Variants in DGKB observed in about 807,000 individuals in gnomAD.
The protein encoded by DGKB is 90 kDa diacylglycerol kinase.
In DGKB, 67 loss-of-function variants were observed where a neutral mutation model predicts 114.3. The observed-to-expected ratio is 0.59, with a 90% confidence interval of 0.48 to 0.72. The LOEUF (loss-of-function observed/expected upper bound fraction) is 0.72. Ranked by LOEUF, DGKB falls within the 30% of genes least tolerant of loss-of-function variation. The probability of loss-of-function intolerance (pLI) is 0.00; values close to 1 mark genes in which losing one functional copy is unlikely to be tolerated. For synonymous variants in DGKB, 398 were observed against 323.1 expected, an observed-to-expected ratio of 1.23 and a Z score of -2.49; for missense variants, 907 against 975.2, an observed-to-expected ratio of 0.93 and a Z score of 0.93.
At chr7:14,537,128 T>G (rs912205050) in intron 20 of DGKB, among the ~76,000 whole-genome samples, 15 of 152,050 alleles carry the variant, frequency 9.9e-5, no homozygotes, top group African/African-American at 3.6e-4. Context: ...GAAAGACTAG[T>G]AAGTTGAAAA....
At chr7:14,416,443 C>A (rs987334814) in intron 21 of DGKB, among the ~76,000 whole-genome samples, 2 of 151,936 alleles carry the variant, frequency 1.3e-5, no homozygotes, top group Non-Finnish European at 2.9e-5. Flanking sequence ...GGGTTATGAC[C>A]AAAATCTTAC....
intron 2 of DGKB, among the ~76,000 whole-genome samples, chr7:14,758,858 TG>T: frequency 6.6e-6 from 1 of 152,010 alleles, no homozygotes; most frequent in Non-Finnish European, 1.5e-5. Context: ...TTGTAAATTC[TG>T]TGGGTTTGTG....
At chr7:14,268,667 T>A (rs900955431) in intron 23 of DGKB, among the ~76,000 whole-genome samples, 2 of 152,194 alleles carry the variant, frequency 1.3e-5, no homozygotes, top group African/African-American at 4.8e-5. Flanking sequence ...CGGGGAAATT[T>A]TGCCTTTCCT....
intron 23 of DGKB, among the ~76,000 whole-genome samples, chr7:14,229,339 T>C (rs1288819737): frequency 6.6e-6 from 1 of 152,006 alleles, no homozygotes; most frequent in East Asian, 1.9e-4. Flanking sequence ...ATATAGATGG[T>C]ATAGTTTACT....
chr7:14,388,861 CCTT>C (rs1820859425), intron 21 of DGKB, among the ~76,000 whole-genome samples: 2 of 152,076 alleles, frequency 1.3e-5, no homozygotes, highest in African/African-American at 2.4e-5. Context: ...TTGTTGAACT[CCTT>C]CTCTCTCTCC....
At chr7:14,586,950 T>C (rs928236331) in intron 17 of DGKB, among the ~76,000 whole-genome samples, 1 of 152,166 alleles carries the variant, frequency 6.6e-6, no homozygotes, top group African/African-American at 2.4e-5. Flanking sequence ...AAGATGAATG[T>C]TGTTTTCATG....
chr7:14,422,692 A>G (rs753910115), intron 21 of DGKB, among the ~76,000 whole-genome samples: 37 of 152,134 alleles, frequency 2.4e-4, no homozygotes, highest in Non-Finnish European at 4.6e-4. Context: ...CAATTAAAAC[A>G]TTTTAGTACT....
intron 1 of DGKB, among the ~76,000 whole-genome samples, chr7:14,918,780 TG>T (rs1784365168): frequency 6.6e-6 from 1 of 151,940 alleles, no homozygotes; most frequent in Non-Finnish European, 1.5e-5. Context: ...TAAGTTTATA[TG>T]GGGCTGGGCA....
intron 17 of DGKB, among the ~76,000 whole-genome samples, chr7:14,589,991 T>C (rs1801420916): frequency 6.8e-6 from 1 of 147,860 alleles, no homozygotes; most frequent in Non-Finnish European, 1.5e-5. Flanking sequence ...TGGTAGCACT[T>C]GCATATAAAA....
chr7:14,434,386 C>T (rs1453314055), intron 21 of DGKB, among the ~76,000 whole-genome samples: 1 of 151,868 alleles, frequency 6.6e-6, no homozygotes, highest in East Asian at 1.9e-4. Flanking sequence ...CCAGGTGAGC[C>T]AAATGTAATC....
intron 21 of DGKB, among the ~76,000 whole-genome samples, chr7:14,473,123 G>C (rs1781661523): frequency 6.6e-6 from 1 of 152,182 alleles, no homozygotes; most frequent in African/African-American, 2.4e-5. Context: ...GGGCATGTCA[G>C]AGACCTTTGC....
At chr7:14,377,964 A>T (rs571379933) in intron 21 of DGKB, among the ~76,000 whole-genome samples, 1 of 152,276 alleles carries the variant, frequency 6.6e-6, no homozygotes, top group East Asian at 1.9e-4. Flanking sequence ...TTTCTAATCC[A>T]CAAAGGATTT....
At chr7:14,356,440 C>A (rs1814537754) in intron 21 of DGKB, among the ~76,000 whole-genome samples, 1 of 145,758 alleles carries the variant, frequency 6.9e-6, no homozygotes, top group Non-Finnish European at 1.5e-5. Context: ...CGGCTCACTG[C>A]AAGCTCCGCC....
intron 21 of DGKB, among the ~76,000 whole-genome samples, chr7:14,394,167 T>C (rs1434306580): frequency 6.6e-6 from 1 of 152,176 alleles, no homozygotes; most frequent in Non-Finnish European, 1.5e-5. Context: ...CTTTTGCCTG[T>C]CCAAATTTAA....
chr7:14,394,323 C>A (rs1029193454), intron 21 of DGKB, among the ~76,000 whole-genome samples: 1 of 152,026 alleles, frequency 6.6e-6, no homozygotes, highest in African/African-American at 2.4e-5. Context: ...TCCTTCATTC[C>A]TCTTGGCTAC....
intron 1 of DGKB, among the ~76,000 whole-genome samples, chr7:14,971,007 T>A (rs1787434488): frequency 6.6e-6 from 1 of 152,186 alleles, no homozygotes; most frequent in Non-Finnish European, 1.5e-5. Flanking sequence ...GAATGAAATA[T>A]AATTAGCATT....
chr7:14,284,770 C>G (rs956534087), intron 23 of DGKB, among the ~76,000 whole-genome samples: 1 of 149,788 alleles, frequency 6.7e-6, no homozygotes, highest in Non-Finnish European at 1.5e-5. Flanking sequence ...AACAAAAAAC[C>G]AAACACTGCA....
At chr7:14,365,583 T>G (rs1816539631) in intron 21 of DGKB, among the ~76,000 whole-genome samples, 1 of 152,068 alleles carries the variant, frequency 6.6e-6, no homozygotes, top group Non-Finnish European at 1.5e-5. Context: ...AATCATTATA[T>G]TTTTAGCCAC....
rs777818195 is a variant in DGKB at position 14,478,123 on chromosome 7, C to G, written c.1835+38G>C. ...GTGATCTTTTTATGGCAAAATTCAGCAACTATATCTATAATTTCATCTCTT... is the reference window on the plus strand; with the variant it reads ...GTGATCTTTTTATGGCAAAATTCAGGAACTATATCTATAATTTCATCTCTT... On this transcript the variant is annotated intron_variant, in intron 21 of 25. Transcript: ENST00000402815. 7.7e-6 allele frequency: 11 copies of G among 1,431,114 alleles called. No individual in the cohort carries two copies. The Middle Eastern group carries it at 1.6e-3, about 206-fold the overall frequency. 88.7% of individuals were successfully genotyped at this position (1,431,114 alleles called of 1,614,324 possible).
Sources: gnomAD v4.1 joint callset for allele counts (sites outside exome capture counted in the v4.1 genomes callset) on GRCh38, gnomAD v4.1.1 for gene constraint, MANE v1.5 for transcripts, NCBI Gene and HGNC (gene_info 2026-07-23, HGNC 2026-07-21) for gene names.